CFAP44: variants seen among roughly 807,000 people sequenced by gnomAD.
CFAP44 encodes cilia and flagella associated protein 44.
A neutral mutation model predicts 216.2 loss-of-function variants in CFAP44; 134 were observed. The observed-to-expected ratio is 0.62, with a 90% confidence interval of 0.54 to 0.72. The LOEUF (loss-of-function observed/expected upper bound fraction) is 0.72. CFAP44 is among the 30% of genes least tolerant of loss of function. The pLI, the probability that CFAP44 is intolerant of heterozygous loss-of-function variation, is 0.00. For missense variants in CFAP44, 2,035 were observed against 2,182.1 expected, an observed-to-expected ratio of 0.93 and a Z score of 1.34; for synonymous variants, 700 against 727.6, an observed-to-expected ratio of 0.96 and a Z score of 0.61.
At chr3:113,312,773 G>A (rs1950052140) in intron 28 of CFAP44, among the ~76,000 whole-genome samples, 1 of 152,170 alleles carries the variant, frequency 6.6e-6, no homozygotes, top group South Asian at 2.1e-4. Flanking sequence ...GGCTTCAGAG[G>A]GTGCAAGCCT....
At chr3:113,400,456 A>C in intron 12 of CFAP44, 89 bp downstream of exon 12, 1 of 1,180,596 alleles carries the variant, frequency 8.5e-7, no homozygotes, top group Non-Finnish European at 1.1e-6. Context: ...AAAATCCCCA[A>C]ATGCTCTTAA....
intron 4 of CFAP44, among the ~76,000 whole-genome samples, chr3:113,423,248 G>A (rs1445949998): frequency 6.6e-6 from 1 of 151,432 alleles, no homozygotes; most frequent in African/African-American, 2.4e-5. Context: ...CCAGGTAGCT[G>A]AGACTACAGG....
chr3:113,416,644 T>G lies in CFAP44; in HGVS notation c.571-17A>C. ...TGGATGAACCTACAAAAGATAAAATTTCACCAAAATATTAAAAGAAAGATT... is the reference window on the plus strand; with the variant it reads ...TGGATGAACCTACAAAAGATAAAATGTCACCAAAATATTAAAAGAAAGATT... On this transcript the variant is annotated splice_polypyrimidine_tract_variant and intron_variant, in intron 5 of 34. Transcript: ENST00000393845. The G allele has an allele frequency of 6.5e-7, 1 of 1,541,700 alleles. No homozygotes were observed. Among genetic ancestry groups the G allele is most frequent in the Non-Finnish European group, 8.9e-7 (1 of 1,126,322 alleles).
intron 6 of CFAP44, among the ~76,000 whole-genome samples, chr3:113,412,020 A>C (rs1469940557): frequency 6.6e-6 from 1 of 152,182 alleles, no homozygotes; most frequent in Non-Finnish European, 1.5e-5. Context: ...GTTGCTTATC[A>C]GCTTAAGCTA....
intron 1 of CFAP44, chr3:113,434,046 A>C (rs1198283708): frequency 5.7e-6 from 1 of 174,574 alleles, no homozygotes; most frequent in East Asian, 1.4e-4. Context: ...TGGAGTTACT[A>C]ATCAATTTCA....
chr3:113,437,821 A>T (rs1429099394), intron 1 of CFAP44, among the ~76,000 whole-genome samples: 4 of 152,160 alleles, frequency 2.6e-5, no homozygotes, highest in African/African-American at 9.7e-5. Context: ...TTGTTTTAAT[A>T]ACAAAGGGAT....
rs1176991717 is a variant in CFAP44 at position 113,330,572 on chromosome 3, G to C, written c.3712C>G (p.Leu1238Val). 6.5e-7 allele frequency: 1 copy of C among 1,537,154 alleles called. No individual in the cohort carries two copies. The highest frequency in any genetic ancestry group is 8.7e-7 in the Non-Finnish European group (1 of 1,146,852). ...TGAAGAGTCGACTGAATGTTCTTCAGTTCTTGTACCAGGCACTGTATTTCC... is the reference window on the plus strand; with the variant it reads ...TGAAGAGTCGACTGAATGTTCTTCACTTCTTGTACCAGGCACTGTATTTCC... ...VEEIQCLVQE[L>V]KNIQSTLHIS... The change falls in exon 26 of 35, where the codon CTG (leucine) becomes GTG (valine). Residue 1238 changes from leucine to valine, a missense_variant. Leu to Val is a conservative substitution (Grantham distance 32). Transcript: ENST00000393845.
chr3:113,350,716 G>C (rs1019358598), intron 22 of CFAP44, among the ~76,000 whole-genome samples: 11 of 152,210 alleles, frequency 7.2e-5, no homozygotes, highest in African/African-American at 2.7e-4. Flanking sequence ...TGGCTGCTTT[G>C]CTAGCAGAAG....
At chr3:113,353,157 T>A (rs1426663593) in intron 22 of CFAP44, among the ~76,000 whole-genome samples, 2 of 152,100 alleles carry the variant, frequency 1.3e-5, no homozygotes, top group Non-Finnish European at 1.5e-5. Context: ...TGGTAAGGCC[T>A]TAAGAGTGAT....
intron 30 of CFAP44, among the ~76,000 whole-genome samples, 192 bp downstream of exon 30, chr3:113,306,009 A>G (rs1227901371): frequency 2.0e-5 from 3 of 152,194 alleles, no homozygotes; most frequent in African/African-American, 7.2e-5. Context: ...AATGACTGAC[A>G]TAAAGTAAGT....
intron 32 of CFAP44, among the ~76,000 whole-genome samples, chr3:113,301,025 T>C (rs976753531): frequency 6.6e-6 from 1 of 152,126 alleles, no homozygotes; most frequent in Non-Finnish European, 1.5e-5. Context: ...TTTTAGAAAC[T>C]CTTGTAAACA....
intron 32 of CFAP44, among the ~76,000 whole-genome samples, chr3:113,301,260 A>G (rs1426021737): frequency 1.3e-5 from 2 of 152,198 alleles, no homozygotes; most frequent in African/African-American, 2.4e-5. Flanking sequence ...TAATATTTCT[A>G]CAAAGTTCTA....
chr3:113,326,441 A>C lies in CFAP44; in HGVS notation c.4516+4T>G, dbSNP rs1169256439. On this transcript the variant is annotated splice_donor_region_variant and intron_variant, in intron 28 of 34. Coordinates refer to ENST00000393845, the MANE Select transcript of CFAP44 (RefSeq NM_001164496.2). ...AAGATCATATGCAAGAAAGAAATACAAACCAGCATCTCCTTCAACTTCTTT... is the reference window on the plus strand; with the variant it reads ...AAGATCATATGCAAGAAAGAAATACCAACCAGCATCTCCTTCAACTTCTTT... 6.7e-7 allele frequency: 1 copy of C among 1,492,036 alleles called. No homozygotes were observed. Among genetic ancestry groups the C allele is most frequent in the African/African-American group, 1.4e-5 (1 of 70,460 alleles). 92.4% of individuals were successfully genotyped at this position (1,492,036 alleles called of 1,614,324 possible).
chr3:113,329,896 A>C (rs1950225589), intron 26 of CFAP44, among the ~76,000 whole-genome samples: 1 of 152,276 alleles, frequency 6.6e-6, no homozygotes, highest in Non-Finnish European at 1.5e-5. Flanking sequence ...TTAGATGCCA[A>C]GTAACTGAAA....
chr3:113,343,468 A>ATCATATT (rs1950354320), intron 23 of CFAP44, among the ~76,000 whole-genome samples: 1 of 152,238 alleles, frequency 6.6e-6, no homozygotes, highest in South Asian at 2.1e-4. Flanking sequence ...TAACCATTTC[A>ATCATATT]TCATATTTCA....
intron 8 of CFAP44, among the ~76,000 whole-genome samples, chr3:113,405,939 G>C (rs558655118): frequency 1.3e-5 from 2 of 152,260 alleles, no homozygotes; most frequent in South Asian, 4.1e-4. Flanking sequence ...CTTTTGAATT[G>C]AGAATATTCA....
chr3:113,374,270 G>C (rs527248362), intron 17 of CFAP44, among the ~76,000 whole-genome samples: 1 of 152,106 alleles, frequency 6.6e-6, no homozygotes, highest in Non-Finnish European at 1.5e-5. Flanking sequence ...GCATTGGCAA[G>C]CTACCAAAAT....
At chr3:113,373,305 C>A in intron 18 of CFAP44, 106 bp downstream of exon 18, 2 of 1,102,076 alleles carry the variant, frequency 1.8e-6, no homozygotes, top group East Asian at 2.9e-5. Flanking sequence ...TTTTGAGTAC[C>A]CCTTCATTTG....
In CFAP44 at chr3:113,328,695, T is replaced by TAAAAAAAAAAAAAAA. The variant is rs1950210721; in HGVS notation, c.4117-877_4117-876insTTTTTTTTTTTTTTT. On this transcript the variant is annotated intron_variant, in intron 26 of 34. Transcript: ENST00000393845. ...AAACTACCAGAGAAATTTAGAGAGC[T>TAAAAAAAAAAAAAAA]TAAAAAAAAAAAAAAAAAAAAAAAA... Among the ~76,000 whole-genome samples, 83 of 72,344 alleles carry TAAAAAAAAAAAAAAA rather than the reference T, an allele frequency of 1.1e-3. 4 individuals are homozygous for TAAAAAAAAAAAAAAA. Among genetic ancestry groups the TAAAAAAAAAAAAAAA allele is most frequent in the African/African-American group, 1.9e-3 (41 of 21,408 alleles). The allele number at this position is 72,344 out of a possible 152,430, so 47.5% of individuals were successfully genotyped here. A position where few individuals can be genotyped will look rare whatever the true frequency, so the allele number is the denominator to read the frequency against.
Sources: gnomAD v4.1 joint callset for allele counts (sites outside exome capture counted in the v4.1 genomes callset) on GRCh38, gnomAD v4.1.1 for gene constraint, MANE v1.5 for transcripts, NCBI Gene and HGNC (gene_info 2026-07-23, HGNC 2026-07-21) for gene names.